Variants in CMSS1 observed in about 807,000 individuals in gnomAD.
CMSS1 encodes cms1 ribosomal small subunit homolog.
Under a neutral mutation model 43.5 loss-of-function variants are expected in CMSS1, and 33 were observed. The ratio of observed to expected loss-of-function variants is 0.76; its 90% CI spans 0.57 to 1.01. CMSS1 has a LOEUF of 1.01. Ranked by LOEUF, CMSS1 falls within the 50% of genes least tolerant of loss-of-function variation. The probability of loss-of-function intolerance (pLI) is 0.00; values close to 1 mark genes in which losing one functional copy is unlikely to be tolerated. For synonymous variants in CMSS1, 115 were observed against 117.2 expected (o/e 0.98, Z 0.12); for missense variants, 313 against 326.4 (o/e 0.96, Z 0.32).
At chr3:100,139,969 C>A (rs773354085) in intron 1 of CMSS1, among the ~76,000 whole-genome samples, 1 of 152,076 alleles carries the variant, frequency 6.6e-6, no homozygotes, top group Non-Finnish European at 1.5e-5. Flanking sequence ...ACCTACTTAC[C>A]CTATGTCCTT....
intron 1 of CMSS1, among the ~76,000 whole-genome samples, chr3:99,961,530 A>G (rs541984975): frequency 6.6e-5 from 10 of 152,252 alleles, no homozygotes; most frequent in African/African-American, 2.4e-4. Context: ...GTGTGAACCC[A>G]TCCAGTGACG....
chr3:99,850,554 C>T, intron 1 of CMSS1: 1 of 1,613,792 alleles, frequency 6.2e-7, no homozygotes, highest in Non-Finnish European at 8.5e-7. Flanking sequence ...GTTTCCTGAG[C>T]TCTTCCACTT....
intron 6 of CMSS1, 107 bp from the exon 7 acceptor site, chr3:100,171,732 C>T: frequency 1.2e-6 from 1 of 852,724 alleles, no homozygotes; most frequent in Non-Finnish European, 2.0e-6. Flanking sequence ...CATATATACA[C>T]ACGTATGCAC....
At chr3:100,160,347 C>T in intron 2 of CMSS1, 83 bp from the exon 3 acceptor site, 1 of 699,374 alleles carries the variant, frequency 1.4e-6, no homozygotes, top group South Asian at 1.6e-5. Flanking sequence ...ACATGCATGG[C>T]AGAAAGTACT....
chr3:99,943,124 A>C (rs1175295396), intron 1 of CMSS1, among the ~76,000 whole-genome samples: 1 of 152,196 alleles, frequency 6.6e-6, no homozygotes, highest in African/African-American at 2.4e-5. Flanking sequence ...GTTTCTTTAA[A>C]GGCGAACTTA....
At chr3:99,836,445 G>A (rs1942899362) in intron 1 of CMSS1, among the ~76,000 whole-genome samples, 2 of 152,172 alleles carry the variant, frequency 1.3e-5, no homozygotes, top group African/African-American at 4.8e-5. Flanking sequence ...GAACTGTTTG[G>A]TAGAGTTGAA....
At chr3:100,129,269 G>A (rs1228712732) in intron 1 of CMSS1, among the ~76,000 whole-genome samples, 3 of 152,164 alleles carry the variant, frequency 2.0e-5, no homozygotes, top group Admixed American at 6.5e-5. Flanking sequence ...CATAGTAGGT[G>A]CCCATTAGAT....
intron 1 of CMSS1, among the ~76,000 whole-genome samples, chr3:100,089,962 G>A (rs1320071517): frequency 1.3e-5 from 2 of 152,124 alleles, no homozygotes; most frequent in African/African-American, 2.4e-5. Flanking sequence ...AAAATTGGAG[G>A]GAGGAAATAG....
chr3:100,126,882 C>T (rs771808395), intron 1 of CMSS1, among the ~76,000 whole-genome samples: 13 of 152,048 alleles, frequency 8.5e-5, no homozygotes, highest in Non-Finnish European at 1.9e-4. Flanking sequence ...CCTATAGTCC[C>T]AGCTACTCAG....
chr3:100,127,528 G>T (rs1553716436), intron 1 of CMSS1, among the ~76,000 whole-genome samples: 2 of 152,198 alleles, frequency 1.3e-5, no homozygotes, highest in Admixed American at 6.5e-5. Context: ...TTACCTCAGT[G>T]TCTCAGTATC....
chr3:99,920,558 G>A (rs1379342030), intron 1 of CMSS1, among the ~76,000 whole-genome samples: 1 of 152,188 alleles, frequency 6.6e-6, no homozygotes. Context: ...CATGAAACAT[G>A]GATAGAATAT....
chr3:99,997,297 A>G (rs186582606), intron 1 of CMSS1, among the ~76,000 whole-genome samples: 201 of 152,328 alleles, frequency 1.3e-3, no homozygotes, highest in African/African-American at 4.5e-3. Flanking sequence ...GATACCAAGA[A>G]ATATAAAAGA....
At chr3:99,825,719 A>T (rs1365768400) in intron 1 of CMSS1, among the ~76,000 whole-genome samples, 2 of 150,718 alleles carry the variant, frequency 1.3e-5, no homozygotes, top group Non-Finnish European at 3.0e-5. Context: ...CCTCCCTCAG[A>T]TTCAATAATA....
intron 1 of CMSS1, among the ~76,000 whole-genome samples, chr3:99,900,467 C>A (rs536980339): frequency 6.6e-6 from 1 of 152,278 alleles, no homozygotes; most frequent in East Asian, 1.9e-4. Flanking sequence ...TCATAAATAA[C>A]CAGATTTCAG....
chr3:100,005,945 T>C (rs1380769075), intron 1 of CMSS1, among the ~76,000 whole-genome samples: 4 of 152,104 alleles, frequency 2.6e-5, no homozygotes, highest in African/African-American at 9.7e-5. Flanking sequence ...CATTCCCACC[T>C]CCGCTATTGC....
chr3:99,972,797 G>T (rs1339321110), intron 1 of CMSS1, among the ~76,000 whole-genome samples: 6 of 152,214 alleles, frequency 3.9e-5, no homozygotes, highest in African/African-American at 7.2e-5. Context: ...ACTTCCATAA[G>T]TGTGAGGCAA....
chr3:100,176,584 C>A (rs1343045018), intron 9 of CMSS1, among the ~76,000 whole-genome samples, 169 bp downstream of exon 9: 1 of 152,176 alleles, frequency 6.6e-6, no homozygotes, highest in Non-Finnish European at 1.5e-5. Flanking sequence ...ACCTCATCCC[C>A]TTACACATAA....
intron 1 of CMSS1, among the ~76,000 whole-genome samples, chr3:99,863,888 C>T (rs1258237102): frequency 6.6e-6 from 1 of 152,170 alleles, no homozygotes; most frequent in Non-Finnish European, 1.5e-5. Context: ...AAGTAGCTTA[C>T]AAACACTGTT....
chr3:99,982,620 A>G (rs1011201433), intron 1 of CMSS1, among the ~76,000 whole-genome samples: 10 of 152,194 alleles, frequency 6.6e-5, no homozygotes, highest in Non-Finnish European at 1.3e-4. Flanking sequence ...CTGGGATTAC[A>G]GGCATGAGCC....
Sources: gnomAD v4.1 joint callset for allele counts (sites outside exome capture counted in the v4.1 genomes callset) on GRCh38, gnomAD v4.1.1 for gene constraint, MANE v1.5 for transcripts, NCBI Gene and HGNC (gene_info 2026-07-23, HGNC 2026-07-21) for gene names.